Variants in TNFRSF11A observed in about 807,000 individuals in gnomAD.
The protein encoded by TNFRSF11A is TNF receptor superfamily member 11a, also known as tumor necrosis factor receptor superfamily member 11A.
A neutral mutation model predicts 55.7 loss-of-function variants in TNFRSF11A; 32 were observed. The ratio of observed to expected loss-of-function variants is 0.57; its 90% confidence interval spans 0.43 to 0.77. The LOEUF is 0.77. TNFRSF11A is among the 30% of genes least tolerant of loss of function. The pLI is 0.00. For synonymous variants in TNFRSF11A, 311 were observed against 331.0 expected, an observed-to-expected ratio of 0.94 and a Z score of 0.65; for missense variants, 753 against 809.8, an observed-to-expected ratio of 0.93 and a Z score of 0.85.
chr18:62,352,048 G>A (rs558998684), intron 3 of TNFRSF11A, among the ~76,000 whole-genome samples: 55 of 152,216 alleles, frequency 3.6e-4, no homozygotes, highest in African/African-American at 1.2e-3. Context: ...CCCCCGCCTC[G>A]GCCTCCCAAA....
intron 1 of TNFRSF11A, among the ~76,000 whole-genome samples, chr18:62,337,417 G>A (rs764438432): frequency 2.0e-5 from 3 of 152,068 alleles, no homozygotes; most frequent in Non-Finnish European, 2.9e-5. Flanking sequence ...CAATTCTGAC[G>A]GTATGGGTGT....
chr18:62,358,731 A>G (rs1379485067), intron 5 of TNFRSF11A, among the ~76,000 whole-genome samples: 1 of 152,184 alleles, frequency 6.6e-6, no homozygotes, highest in Non-Finnish European at 1.5e-5. Flanking sequence ...CCTCCTGTTT[A>G]TATAAATGTT....
At position 62,362,059 on chromosome 18, in the gene TNFRSF11A, G is replaced by A. The variant is rs17069899; in HGVS notation, c.730+266G>A. On this transcript the variant is annotated intron_variant, in intron 7 of 9. Coordinates refer to ENST00000586569, the MANE Select transcript of TNFRSF11A (RefSeq NM_003839.4). Reference sequence around the variant, plus strand: ...CTTGTAAGCTCTGTATTTGAGTTGTGTAGACTCTGCAGCATCACATATATG... The same window carrying A: ...CTTGTAAGCTCTGTATTTGAGTTGTATAGACTCTGCAGCATCACATATATG... Among the ~76,000 whole-genome samples the A allele has an allele frequency of 0.39, 59,790 of 152,120 alleles. 12,624 individuals carry two copies. Among genetic ancestry groups the A allele is most frequent in the African/African-American group, 0.53 (21,897 of 41,474 alleles).
intron 7 of TNFRSF11A, among the ~76,000 whole-genome samples, chr18:62,364,619 T>G (rs780128924): frequency 1.3e-5 from 2 of 152,202 alleles, no homozygotes; most frequent in Admixed American, 1.3e-4. Context: ...CAGCTGCAAC[T>G]GTCCTTTTCT....
chr18:62,347,317 G>A (rs1312153420), intron 1 of TNFRSF11A, among the ~76,000 whole-genome samples: 1 of 152,088 alleles, frequency 6.6e-6, no homozygotes, highest in Admixed American at 6.5e-5. Flanking sequence ...GTTGTTTTTT[G>A]CTCACACCAA....
intron 4 of TNFRSF11A, among the ~76,000 whole-genome samples, chr18:62,357,232 G>T (rs1403283541): frequency 6.6e-6 from 1 of 152,166 alleles, no homozygotes; most frequent in Admixed American, 6.5e-5. Flanking sequence ...ACTAATTTCA[G>T]GAGTAATTTG....
rs1911975908 is a variant in TNFRSF11A, at chr18:62,391,135, T to A, written c.*6101T>A. The A allele has an allele frequency of 6.6e-6, 1 of 152,274 alleles. No homozygotes were observed. Among genetic ancestry groups the A allele is most frequent in the Non-Finnish European group, 1.5e-5 (1 of 68,052 alleles). The allele number at this position is 152,274 out of a possible 1,614,324, so 9.4% of individuals were successfully genotyped here. ...CATAGCCATTTGAGTCTGGCTTCTT[T>A]CCACATAATGTCCTTGAGATCCATC... On this transcript the variant is annotated 3_prime_UTR_variant, in exon 10 of 10. Coordinates refer to ENST00000586569, the MANE Select transcript of TNFRSF11A (RefSeq NM_003839.4).
chr18:62,368,727 TAC>T lies in TNFRSF11A; in HGVS notation c.817_818del (p.Thr273GlyfsTer10). The T allele has an allele frequency of 6.2e-7, 1 of 1,614,240 alleles. No individual in the cohort carries two copies. The highest frequency in any genetic ancestry group is 8.5e-7 in the Non-Finnish European group (1 of 1,180,044). ...KESSGDSCVS[T>X]HTANFGQQGA... Reference sequence around the variant, plus strand: ...AGTCCTCAGGTGACAGTTGTGTCAGTACACACACGGCAAACTTTGGTCAGCAG... The same window carrying T: ...AGTCCTCAGGTGACAGTTGTGTCAGTACACACGGCAAACTTTGGTCAGCAG... On this transcript the variant is annotated frameshift_variant, in exon 9 of 10. Coordinates refer to ENST00000586569, the MANE Select transcript of TNFRSF11A (RefSeq NM_003839.4). LOFTEE classifies it high-confidence loss of function.
intron 6 of TNFRSF11A, 83 bp downstream of exon 6, chr18:62,360,132 A>G: frequency 9.7e-7 from 1 of 1,033,572 alleles, no homozygotes; most frequent in Non-Finnish European, 1.5e-6. Context: ...TGGCACGTGG[A>G]TTTGCGGGCG....
intron 1 of TNFRSF11A, among the ~76,000 whole-genome samples, chr18:62,347,088 G>A (rs2046394478): frequency 6.6e-6 from 1 of 152,138 alleles, no homozygotes; most frequent in Non-Finnish European, 1.5e-5. Flanking sequence ...AGCCATCCTG[G>A]CTGCTTCTGC....
At chr18:62,372,236 C>T (rs1433197387) in intron 9 of TNFRSF11A, among the ~76,000 whole-genome samples, 1 of 152,196 alleles carries the variant, frequency 6.6e-6, no homozygotes, top group Non-Finnish European at 1.5e-5. Context: ...TCTTAAATAA[C>T]CATGCCTTAA....
chr18:62,332,828 T>G (rs1012701515), intron 1 of TNFRSF11A, among the ~76,000 whole-genome samples: 2 of 152,140 alleles, frequency 1.3e-5, no homozygotes, highest in African/African-American at 2.4e-5. Context: ...TTTGGGAACA[T>G]CAGACTCAGG....
At position 62,348,190 on chromosome 18, in the gene TNFRSF11A, C is replaced by T. The variant is rs763808780; in HGVS notation, c.98C>T (p.Pro33Leu). The change falls in exon 2 of 10, where the codon CCA becomes CTA. Residue 33 changes from proline to leucine, a missense_variant. Coordinates refer to ENST00000586569, the MANE Select transcript of TNFRSF11A (RefSeq NM_003839.4). Reference sequence around the variant, plus strand: ...CAGGTGGCTTTGCAGATCGCTCCTCCATGTACCAGTGAGAAGCATTATGAG... The same window carrying T: ...CAGGTGGCTTTGCAGATCGCTCCTCTATGTACCAGTGAGAAGCATTATGAG... Reference protein sequence around the residue: ...RLQVALQIAPPCTSEKHYEHL... With the variant: ...RLQVALQIAPLCTSEKHYEHL... 6.2e-6 allele frequency: 10 copies of T among 1,613,968 alleles called. No individual in the cohort carries two copies. Among genetic ancestry groups the T allele is most frequent in the Non-Finnish European group, 8.5e-6 (10 of 1,179,998 alleles).
At chr18:62,380,910 C>T (rs1911240423) in intron 9 of TNFRSF11A, among the ~76,000 whole-genome samples, 1 of 151,782 alleles carries the variant, frequency 6.6e-6, no homozygotes, top group South Asian at 2.1e-4. Flanking sequence ...TCAGGTGATC[C>T]TCCCACCTCA....
chr18:62,360,376 C>T (rs1909589420), intron 6 of TNFRSF11A, among the ~76,000 whole-genome samples: 1 of 152,052 alleles, frequency 6.6e-6, no homozygotes, highest in Non-Finnish European at 1.5e-5. Context: ...AGATTTTAGT[C>T]ATCTTCCCAA....
chr18:62,380,279 A>G (rs567139922), intron 9 of TNFRSF11A, among the ~76,000 whole-genome samples: 4 of 152,338 alleles, frequency 2.6e-5, no homozygotes, highest in African/African-American at 4.8e-5. Flanking sequence ...TCAGTTTACT[A>G]TATCTCACAA....
Position 62,385,052 on chromosome 18 carries a change from G to T in TNFRSF11A, c.*18G>T, listed in dbSNP as rs760840919. On this transcript the variant is annotated 3_prime_UTR_variant, in exon 10 of 10. Coordinates refer to ENST00000586569, the MANE Select transcript of TNFRSF11A (RefSeq NM_003839.4). ...AGGCTTGAGCGCCCCCCATGGCTGG[G>T]AGCCCGAAGCTCGGAGCCAGGGCTC... 1 of 1,462,288 alleles carries T rather than the reference G, an allele frequency of 6.8e-7. No individual in the cohort carries two copies. The highest frequency in any genetic ancestry group is 1.4e-5 in the South Asian group (1 of 73,898). The allele number at this position is 1,462,288 out of a possible 1,614,324, so 90.6% of individuals were successfully genotyped here.
intron 7 of TNFRSF11A, 44 bp from the exon 8 acceptor site, chr18:62,366,664 G>T: frequency 1.3e-6 from 2 of 1,589,254 alleles, no homozygotes; most frequent in Non-Finnish European, 1.7e-6. Context: ...AAAGAAGTGG[G>T]AAATAATAAC....
At chr18:62,372,152 A>G (rs1250385432) in intron 9 of TNFRSF11A, among the ~76,000 whole-genome samples, 8 of 152,178 alleles carry the variant, frequency 5.3e-5, no homozygotes, top group African/African-American at 1.9e-4. Flanking sequence ...TATGTTAGCC[A>G]TGTTATAAGT....
Sources: gnomAD v4.1 joint callset for allele counts (sites outside exome capture counted in the v4.1 genomes callset) on GRCh38, gnomAD v4.1.1 for gene constraint, MANE v1.5 for transcripts, NCBI Gene and HGNC (gene_info 2026-07-23, HGNC 2026-07-21) for gene names.